CACNA1B: variants seen among roughly 807,000 people sequenced by gnomAD.
CACNA1B encodes the protein voltage-dependent N-type calcium channel subunit alpha-1B.
Under a neutral mutation model 247.2 loss-of-function variants are expected in CACNA1B, and 70 were observed. The ratio of observed to expected loss-of-function variants is 0.28; its 90% confidence interval spans 0.23 to 0.35. The LOEUF is 0.35. CACNA1B is among the 10% of genes least tolerant of loss of function. The pLI is 1.00. For synonymous variants in CACNA1B, 1,231 were observed against 1,294.4 expected, an observed-to-expected ratio of 0.95 and a Z score of 1.05; for missense variants, 2,367 against 3,197.4, an observed-to-expected ratio of 0.74 and a Z score of 6.26.
At chr9:137,976,193 C>A (rs1021451527) in intron 12 of CACNA1B, among the ~76,000 whole-genome samples, 174 bp downstream of exon 12, 2 of 152,228 alleles carry the variant, frequency 1.3e-5, no homozygotes, top group African/African-American at 4.8e-5. Context: ...CCTGTCCTGG[C>A]GGGGCCTGAC....
rs1554748998 is a variant in CACNA1B at position 138,023,783 on chromosome 9, G to A, written c.3040G>A (p.Glu1014Lys). The change falls in exon 19 of 47, where the codon GAA becomes AAA. Residue 1014 changes from glutamate (E) to lysine (K), a missense_variant. Coordinates refer to ENST00000371372, the MANE Select transcript of CACNA1B (RefSeq NM_000718.4). ...GGCTGAGATAGTGGAAGCCGACAAG[G>A]AAAAGGAGCTCCGGAACCACCAGCC... is the stretch of plus-strand genomic sequence containing the variant. ...KEAEIVEADK[E>K]KELRNHQPRE... The A allele has an allele frequency of 1.3e-6, 2 of 1,485,838 alleles. No individual in the cohort carries two copies. The highest frequency in any genetic ancestry group is 2.4e-5 in the South Asian group (2 of 82,886). 92.0% of individuals were successfully genotyped at this position (1,485,838 alleles called of 1,614,324 possible).
At chr9:137,967,264 A>G (rs368154924) in intron 10 of CACNA1B, among the ~76,000 whole-genome samples, 30 of 151,966 alleles carry the variant, frequency 2.0e-4, no homozygotes, top group African/African-American at 6.8e-4. Context: ...CCATCACTCA[A>G]TTGGTCTATT....
At chr9:138,017,238 CATG>C (rs755221245) in intron 18 of CACNA1B, 1 of 518,250 alleles carries the variant, frequency 1.9e-6, no homozygotes, top group Admixed American at 1.9e-5. Flanking sequence ...TCCATGGCTT[CATG>C]ATAACTACAT....
Position 138,061,479 on chromosome 9 carries a change from A to G in CACNA1B, c.4668+1742A>G, listed in dbSNP as rs142645568. On this transcript the variant is annotated intron_variant, in intron 31 of 46. Transcript: ENST00000371372. Reference sequence around the variant, plus strand: ...AGTACCATCGATTGGCCGTTGGTTCATCTTGAAATATGGCACCCCAACCCC... The same window carrying G: ...AGTACCATCGATTGGCCGTTGGTTCGTCTTGAAATATGGCACCCCAACCCC... Among the ~76,000 whole-genome samples, 703 of 152,264 alleles carry G rather than the reference A, an allele frequency of 4.6e-3. 5 individuals carry two copies. Among genetic ancestry groups the G allele is most frequent in the African/African-American group, 0.016 (648 of 41,552 alleles).
intron 18 of CACNA1B, among the ~76,000 whole-genome samples, chr9:138,016,921 T>C (rs1399379750): frequency 6.6e-6 from 1 of 152,234 alleles, no homozygotes; most frequent in African/African-American, 2.4e-5. Flanking sequence ...CTGTCTCACT[T>C]CAGTCTCACT....
intron 36 of CACNA1B, among the ~76,000 whole-genome samples, chr9:138,081,452 G>A (rs1960520591): frequency 6.6e-6 from 1 of 152,166 alleles, no homozygotes; most frequent in Admixed American, 6.5e-5. Context: ...TGAAACACTT[G>A]GATGTGGTTT....
chr9:138,113,781 G>C (rs1339313746), intron 40 of CACNA1B, among the ~76,000 whole-genome samples: 1 of 142,318 alleles, frequency 7.0e-6, no homozygotes, highest in African/African-American at 2.7e-5. Context: ...AGCGCAGGAA[G>C]GTGCCCAACT....
chr9:138,065,473 C>T (rs761737633), intron 31 of CACNA1B, among the ~76,000 whole-genome samples: 14 of 152,150 alleles, frequency 9.2e-5, no homozygotes, highest in East Asian at 5.8e-4. Context: ...GGGAGGGGGA[C>T]GCTCCTGCAG....
At chr9:138,000,387 C>T (rs558780189) in intron 15 of CACNA1B, among the ~76,000 whole-genome samples, 18 of 152,234 alleles carry the variant, frequency 1.2e-4, no homozygotes, top group African/African-American at 2.9e-4. Context: ...CATGAGCCAC[C>T]GTGCCTGGCC....
intron 11 of CACNA1B, among the ~76,000 whole-genome samples, chr9:137,975,461 A>G (rs1958208403): frequency 6.7e-6 from 1 of 150,300 alleles, no homozygotes; most frequent in Non-Finnish European, 1.5e-5. Flanking sequence ...AAGGAGGTTG[A>G]GGGACCCCAC....
intron 26 of CACNA1B, among the ~76,000 whole-genome samples, chr9:138,055,639 C>T (rs1415040315): frequency 3.3e-5 from 5 of 152,076 alleles, no homozygotes; most frequent in South Asian, 2.1e-4. Context: ...GGTTAAGATA[C>T]GTTTTCTGAC....
At chr9:137,965,904 C>G (rs1217327751) in intron 10 of CACNA1B, among the ~76,000 whole-genome samples, 1 of 152,064 alleles carries the variant, frequency 6.6e-6, no homozygotes, top group Non-Finnish European at 1.5e-5. Flanking sequence ...TTATGAAGTT[C>G]CTCTTGTATT....
rs1959189397 is a variant in CACNA1B at position 138,046,806 on chromosome 9, C to T, written c.3414-98C>T. The T allele has an allele frequency of 3.3e-6, 4 of 1,207,208 alleles. No homozygotes were observed. The Admixed American group carries it at 8.0e-5, about 24-fold the overall frequency. 74.8% of individuals were successfully genotyped at this position (1,207,208 alleles called of 1,614,324 possible). A position where few individuals can be genotyped will look rare whatever the true frequency, so the allele number is the denominator to read the frequency against. Reference sequence around the variant, plus strand: ...TGGGGCCACAGCTTCCTGAGGCAGCCCAGAGCCCTTTCTGCGGGACGGGCT... The same window carrying T: ...TGGGGCCACAGCTTCCTGAGGCAGCTCAGAGCCCTTTCTGCGGGACGGGCT... On this transcript the variant is annotated intron_variant, in intron 21 of 46. Transcript: ENST00000371372.
rs542994599 is a variant in CACNA1B at position 138,107,951 on chromosome 9, C to G, written c.5428+2144C>G. Among the ~76,000 whole-genome samples the G allele has an allele frequency of 3.3e-3, 498 of 150,762 alleles. 4 individuals are homozygous for G. Among genetic ancestry groups the G allele is most frequent in the Middle Eastern group, 0.014 (4 of 292 alleles). ...AGTGAGCCGAGATTGCGCCACTGCACTCCAGTCTGGGTGACAGAGTGAGAC... is the reference window on the plus strand; with the variant it reads ...AGTGAGCCGAGATTGCGCCACTGCAGTCCAGTCTGGGTGACAGAGTGAGAC... On this transcript the variant is annotated intron_variant, in intron 39 of 46. Coordinates refer to ENST00000371372, the MANE Select transcript of CACNA1B (RefSeq NM_000718.4).
rs559844985 is a variant in CACNA1B, at chr9:137,966,745, A to G, written c.1334-4638A>G. Reference sequence around the variant, plus strand: ...AGTAGAGAAGGAGTTTCACCATGTTAGCCAGGACAGTCTCGATCTCCTGAC... The same window carrying G: ...AGTAGAGAAGGAGTTTCACCATGTTGGCCAGGACAGTCTCGATCTCCTGAC... On this transcript the variant is annotated intron_variant, in intron 10 of 46. Transcript: ENST00000371372. 4.0e-5 allele frequency among the ~76,000 whole-genome samples: 6 copies of G among 151,750 alleles called. No individual in the cohort carries two copies. In the East Asian group the frequency reaches 7.8e-4, roughly 20 times the overall value.
In CACNA1B at chr9:138,036,107, C is replaced by G. The variant is rs1008480715; in HGVS notation, c.3287-7667C>G. Reference sequence around the variant, plus strand: ...GATCATCCATTGGGTTTCTTTCCCCCCCGCCCCTTCTGCCTGAAGAACAGC... The same window carrying G: ...GATCATCCATTGGGTTTCTTTCCCCGCCGCCCCTTCTGCCTGAAGAACAGC... On this transcript the variant is annotated intron_variant, in intron 20 of 46. Transcript: ENST00000371372. Among the ~76,000 whole-genome samples the G allele has an allele frequency of 3.9e-5, 6 of 151,946 alleles. No homozygotes were observed. In the South Asian group the frequency reaches 6.2e-4, roughly 16 times the overall value.
Position 138,046,774 on chromosome 9 carries a change from G to A in CACNA1B, c.3414-130G>A, listed in dbSNP as rs775899959. 14 of 835,456 alleles carry A rather than the reference G, an allele frequency of 1.7e-5. 1 individual carries two copies. The highest frequency in any genetic ancestry group is 5.3e-5 in the Admixed American group (2 of 37,930). The allele number at this position is 835,456 out of a possible 1,614,324, so 51.8% of individuals were successfully genotyped here. ...CAACCACAGGGACCATTAGCAAAGC[G>A]AAGCTCTGGGGCCACAGCTTCCTGA... On this transcript the variant is annotated intron_variant, in intron 21 of 46. Transcript: ENST00000371372.
intron 5 of CACNA1B, among the ~76,000 whole-genome samples, chr9:137,916,562 C>T (rs1957413375): frequency 6.6e-6 from 1 of 152,224 alleles, no homozygotes; most frequent in Admixed American, 6.5e-5. Flanking sequence ...CTCCAGCCAC[C>T]CTCCGGGTAC....
At position 137,891,979 on chromosome 9, in the gene CACNA1B, G is replaced by A. The variant is rs1437470028; in HGVS notation, c.530+9096G>A. The A allele has an allele frequency of 1.1e-5, 5 of 450,844 alleles. No individual in the cohort carries two copies. Among genetic ancestry groups the A allele is most frequent in the Non-Finnish European group, 8.9e-6 (2 of 223,526 alleles). The allele number at this position is 450,844 out of a possible 1,614,324, so 27.9% of individuals were successfully genotyped here. On this transcript the variant is annotated intron_variant, in intron 3 of 46. Coordinates refer to ENST00000371372, the MANE Select transcript of CACNA1B (RefSeq NM_000718.4). The surrounding 1 kb of genome is among the most constrained non-coding windows in gnomAD (Gnocchi z 4.3). Reference sequence around the variant, plus strand: ...CTCCCTGTCTCCCCTGAGAGCACAGGAGCCTGGTGAAAAGGGCCTTGCGCC... The same window carrying A: ...CTCCCTGTCTCCCCTGAGAGCACAGAAGCCTGGTGAAAAGGGCCTTGCGCC...
Sources: allele counts gnomAD v4.1 joint callset (sites outside exome capture counted in the v4.1 genomes callset), GRCh38; gene constraint gnomAD v4.1.1; non-coding constraint Gnocchi (gnomAD v3.1); transcripts MANE v1.5; gene names NCBI Gene and HGNC (gene_info 2026-07-23, HGNC 2026-07-21).